Variants in SLC24A3 observed in about 807,000 individuals in gnomAD.
SLC24A3 encodes the protein solute carrier family 24 member 3, also known as sodium/potassium/calcium exchanger 3.
Under a neutral mutation model 75.8 loss-of-function variants are expected in SLC24A3, and 28 were observed. That is an observed-to-expected ratio of 0.37 (90% CI 0.27 to 0.51). The LOEUF is 0.51. Among genes scored for constraint, SLC24A3 ranks in the 20% least tolerant of loss-of-function variants. The pLI is 0.94. For synonymous variants in SLC24A3, 372 were observed against 334.1 expected (o/e 1.11, Z -1.24); for missense variants, 663 against 847.8 (o/e 0.78, Z 2.71).
At chr20:19,337,146 T>C (rs1367225163) in intron 2 of SLC24A3, among the ~76,000 whole-genome samples, 1 of 152,136 alleles carries the variant, frequency 6.6e-6, no homozygotes, top group East Asian at 1.9e-4. Context: ...CTCATACATA[T>C]TAACAGTCCA....
At chr20:19,551,435 T>C (rs889522347) in intron 3 of SLC24A3, among the ~76,000 whole-genome samples, 1 of 152,180 alleles carries the variant, frequency 6.6e-6, no homozygotes, top group South Asian at 2.1e-4. Context: ...TACAGGTACA[T>C]TGAAACCTCC....
chr20:19,401,540 C>T (rs1351536115), intron 2 of SLC24A3, among the ~76,000 whole-genome samples: 1 of 111,806 alleles, frequency 8.9e-6, no homozygotes, highest in Non-Finnish European at 2.0e-5. Context: ...GAATACTGAA[C>T]AAGGAAAGGT....
chr20:19,544,592 C>G (rs919670364), intron 3 of SLC24A3, among the ~76,000 whole-genome samples: 3 of 150,782 alleles, frequency 2.0e-5, no homozygotes, highest in African/African-American at 7.3e-5. Context: ...CTCATCATAA[C>G]ACCCACTCTT....
intron 2 of SLC24A3, among the ~76,000 whole-genome samples, chr20:19,481,569 G>T (rs955887690): frequency 1.3e-5 from 2 of 152,124 alleles, no homozygotes; most frequent in African/African-American, 4.8e-5. Context: ...CTGGAGAAAC[G>T]GTGGTCCCAC....
chr20:19,474,372 T>A (rs2122510725), intron 2 of SLC24A3, among the ~76,000 whole-genome samples: 1 of 152,318 alleles, frequency 6.6e-6, no homozygotes, highest in Middle Eastern at 3.4e-3. Context: ...GATTTTAAAA[T>A]CTGATAGCGA....
At chr20:19,635,914 G>C (rs186830233) in intron 6 of SLC24A3, among the ~76,000 whole-genome samples, 7 of 152,172 alleles carry the variant, frequency 4.6e-5, no homozygotes, top group Non-Finnish European at 1.0e-4. Flanking sequence ...GCCGAGATGG[G>C]TGGATCACAA....
chr20:19,370,819 A>G (rs1340839252), intron 2 of SLC24A3, among the ~76,000 whole-genome samples: 1 of 152,140 alleles, frequency 6.6e-6, no homozygotes, highest in Non-Finnish European at 1.5e-5. Flanking sequence ...GAGTTCTCAC[A>G]GTATTGTGGC....
intron 2 of SLC24A3, among the ~76,000 whole-genome samples, chr20:19,418,906 A>G (rs529451486): frequency 6.6e-6 from 1 of 152,196 alleles, no homozygotes; most frequent in Non-Finnish European, 1.5e-5. Context: ...TGATTTGAGC[A>G]TCACTTAGAA....
intron 6 of SLC24A3, among the ~76,000 whole-genome samples, chr20:19,636,127 G>A (rs1011794693): frequency 2.7e-4 from 40 of 148,532 alleles, no homozygotes; most frequent in African/African-American, 8.8e-4. Flanking sequence ...GCGACAGAGC[G>A]AGACTCCATC....
chr20:19,345,732 A>G (rs1985379203), intron 2 of SLC24A3, among the ~76,000 whole-genome samples: 1 of 152,124 alleles, frequency 6.6e-6, no homozygotes, highest in Non-Finnish European at 1.5e-5. Flanking sequence ...TCAAAACCAC[A>G]ATGCAATACC....
At chr20:19,306,631 G>T (rs549806723) in intron 2 of SLC24A3, among the ~76,000 whole-genome samples, 1 of 152,204 alleles carries the variant, frequency 6.6e-6, no homozygotes, top group Admixed American at 6.5e-5. Flanking sequence ...GTTCTCACTT[G>T]TAAGTGGGAG....
At chr20:19,567,680 T>C (rs6035378) in intron 3 of SLC24A3, among the ~76,000 whole-genome samples, 101,657 of 152,142 alleles carry the variant, frequency 0.67, 35,588 homozygotes, top group Non-Finnish European at 0.76. Flanking sequence ...AAATAAACTT[T>C]CTAACCAAAT....
At chr20:19,452,105 G>A (rs1173788939) in intron 2 of SLC24A3, among the ~76,000 whole-genome samples, 8 of 152,184 alleles carry the variant, frequency 5.3e-5, no homozygotes, top group African/African-American at 9.7e-5. Flanking sequence ...GAAACGTTGC[G>A]TGTGATAGAT....
intron 2 of SLC24A3, among the ~76,000 whole-genome samples, chr20:19,509,701 A>G (rs1273195868): frequency 6.6e-6 from 1 of 152,226 alleles, no homozygotes; most frequent in Non-Finnish European, 1.5e-5. Flanking sequence ...TCCATGCCTA[A>G]GGTCTGTTCT....
At chr20:19,703,860 A>C (rs2032899472) in intron 15 of SLC24A3, among the ~76,000 whole-genome samples, 1 of 152,180 alleles carries the variant, frequency 6.6e-6, no homozygotes, top group Admixed American at 6.5e-5. Context: ...AGACTACCTC[A>C]CAGAGGGGGT....
At chr20:19,291,426 G>T (rs548148335) in intron 2 of SLC24A3, among the ~76,000 whole-genome samples, 1 of 152,308 alleles carries the variant, frequency 6.6e-6, no homozygotes, top group African/African-American at 2.4e-5. Flanking sequence ...GTCTATCCCT[G>T]GCTAGTGGGC....
At chr20:19,472,334 C>T (rs867126978) in intron 2 of SLC24A3, among the ~76,000 whole-genome samples, 1 of 152,226 alleles carries the variant, frequency 6.6e-6, no homozygotes, top group Admixed American at 6.5e-5. Flanking sequence ...ACTGAAGGCA[C>T]ATTTAAAGTT....
chr20:19,696,938 G>A (rs1206807968), intron 14 of SLC24A3, 27 bp downstream of exon 14: 2 of 1,011,566 alleles, frequency 2.0e-6, no homozygotes, highest in Non-Finnish European at 3.0e-6. Flanking sequence ...CAATGGGGAA[G>A]GAGGGAGGGA....
chr20:19,315,911 A>G (rs768994250), intron 2 of SLC24A3, among the ~76,000 whole-genome samples: 2 of 152,250 alleles, frequency 1.3e-5, no homozygotes, highest in African/African-American at 2.4e-5. Flanking sequence ...CACTTAGCCT[A>G]GCCTACCTTA....
Sources: allele counts gnomAD v4.1 joint callset (sites outside exome capture counted in the v4.1 genomes callset), GRCh38; gene constraint gnomAD v4.1.1; transcripts MANE v1.5; gene names NCBI Gene and HGNC (gene_info 2026-07-23, HGNC 2026-07-21).